The following TMC2 variants were observed in gnomAD, a reference collection of about 807,000 sequenced individuals.
TMC2 encodes transmembrane channel-like protein 2.
Under a neutral mutation model 105.9 loss-of-function variants are expected in TMC2, and 102 were observed. The observed-to-expected ratio is 0.96, with a 90% confidence interval of 0.82 to 1.14. TMC2 has a LOEUF of 1.14. TMC2 is among the 50% of genes most tolerant of loss of function. The pLI, the probability that TMC2 is intolerant of heterozygous loss-of-function variation, is 0.00. For synonymous variants in TMC2, 402 were observed against 422.8 expected, an observed-to-expected ratio of 0.95 and a Z score of 0.60; for missense variants, 1,093 against 1,134.3, an observed-to-expected ratio of 0.96 and a Z score of 0.52.
rs1314551683 is a variant in TMC2, at chr20:2,557,817, C to T, written c.83-639C>T. ...AGGTAAAACTGATGAAAGTGCGCCC[C>T]CACCAAGGCAGTCATTCTCACCCAG... is the stretch of plus-strand genomic sequence containing the variant. On this transcript the variant is annotated intron_variant, in intron 2 of 19. Transcript: ENST00000358864. 2.0e-5 allele frequency among the ~76,000 whole-genome samples: 3 copies of T among 152,194 alleles called. No homozygotes were observed. In the East Asian group the frequency reaches 5.8e-4, roughly 29 times the overall value.
chr20:2,619,295 G>A (rs1054533313), intron 16 of TMC2, among the ~76,000 whole-genome samples: 3 of 152,072 alleles, frequency 2.0e-5, no homozygotes, highest in Admixed American at 1.3e-4. Context: ...GAAAGTATGC[G>A]TGCTCTGGAA....
chr20:2,641,060 C>A, intron 19 of TMC2, 74 bp from the exon 20 acceptor site: 1 of 1,320,434 alleles, frequency 7.6e-7, no homozygotes, highest in Non-Finnish European at 1.1e-6. Context: ...CACCGCAGGG[C>A]GACTCCAGAG....
intron 13 of TMC2, 79 bp downstream of exon 13, chr20:2,612,419 G>T: frequency 6.0e-6 from 8 of 1,341,688 alleles, no homozygotes; most frequent in African/African-American, 2.9e-5. Flanking sequence ...TCCATTTGAG[G>T]AATAACCCTG....
At chr20:2,559,511 CG>C (rs1290743179) in intron 3 of TMC2, among the ~76,000 whole-genome samples, 2 of 152,074 alleles carry the variant, frequency 1.3e-5, no homozygotes, top group Non-Finnish European at 2.9e-5. Context: ...ATGCCTTATT[CG>C]TTGCTCATAT....
intron 11 of TMC2, among the ~76,000 whole-genome samples, chr20:2,603,980 T>C (rs1318016651): frequency 6.6e-6 from 1 of 151,998 alleles, no homozygotes; most frequent in African/African-American, 2.4e-5. Context: ...ACCCCATCAG[T>C]CACTCCACTA....
intron 17 of TMC2, among the ~76,000 whole-genome samples, chr20:2,629,848 T>TA (rs1426359983): frequency 3.9e-5 from 6 of 152,266 alleles, no homozygotes; most frequent in African/African-American, 1.4e-4. Context: ...TTTTGTTAAA[T>TA]AAAGTTTTAT....
chr20:2,608,816 T>A (rs1009033202), intron 11 of TMC2, among the ~76,000 whole-genome samples: 1 of 152,258 alleles, frequency 6.6e-6, no homozygotes, highest in East Asian at 1.9e-4. Flanking sequence ...GCAGCATTTT[T>A]ACCTTTGTAA....
Position 2,624,369 on chromosome 20 carries a change from T to G in TMC2, c.2279T>G (p.Leu760Arg), listed in dbSNP as rs199941206. 2 of 1,614,036 alleles carry G rather than the reference T, an allele frequency of 1.2e-6. No homozygotes were observed. Among genetic ancestry groups the G allele is most frequent in the Non-Finnish European group, 1.7e-6 (2 of 1,179,948 alleles). Reference sequence around the variant, plus strand: ...TTTGCTTTCCTCGCCAATCCAGGCCTGATCATCCCAGCCATCCTGCTGATG... The same window carrying G: ...TTTGCTTTCCTCGCCAATCCAGGCCGGATCATCCCAGCCATCCTGCTGATG... Reference protein sequence around the residue: ...KIFAFLANPGLIIPAILLMFL... With the variant: ...KIFAFLANPGRIIPAILLMFL... The change falls in exon 17 of 20, where the codon CTG (leucine) becomes CGG (arginine). Residue 760 changes from leucine to arginine, a missense_variant. Coordinates refer to ENST00000358864, the MANE Select transcript of TMC2 (RefSeq NM_080751.3).
rs2086491556 is a variant in TMC2 at position 2,617,316 on chromosome 20, A to G, written c.2180+5A>G. 6.2e-7 allele frequency: 1 copy of G among 1,613,996 alleles called. No homozygotes were observed. Among genetic ancestry groups the G allele is most frequent in the African/African-American group, 1.3e-5 (1 of 74,916 alleles). ...CTTTGACTGCGGGCCGTTCAGGTGC[A>G]GAGTCTCAGTTGCCCGGGAGCACCT... is the stretch of plus-strand genomic sequence containing the variant. On this transcript the variant is annotated splice_donor_5th_base_variant and intron_variant, in intron 16 of 19. Coordinates refer to ENST00000358864, the MANE Select transcript of TMC2 (RefSeq NM_080751.3).
Position 2,642,574 on chromosome 20 carries a change from A to G in TMC2, c.*1223A>G, listed in dbSNP as rs563485377. On this transcript the variant is annotated 3_prime_UTR_variant, in exon 20 of 20. Coordinates refer to ENST00000358864, the MANE Select transcript of TMC2 (RefSeq NM_080751.3). ...GCAGAGCGTTGTCTCTGGGGATTCT[A>G]TGTTCACTTAGTGTCATATCATGGT... Among the ~76,000 whole-genome samples the G allele has an allele frequency of 1.3e-5, 2 of 152,206 alleles. No homozygotes were observed. Among genetic ancestry groups the G allele is most frequent in the African/African-American group, 2.4e-5 (1 of 41,450 alleles).
intron 7 of TMC2, among the ~76,000 whole-genome samples, chr20:2,591,507 C>T (rs1230747839): frequency 6.6e-6 from 1 of 152,040 alleles, no homozygotes; most frequent in East Asian, 1.9e-4. Flanking sequence ...GAGTTTGAGA[C>T]CAGCTGGGCA....
chr20:2,605,565 T>G (rs937871669), intron 11 of TMC2, among the ~76,000 whole-genome samples: 1 of 152,184 alleles, frequency 6.6e-6, no homozygotes, highest in African/African-American at 2.4e-5. Flanking sequence ...TGACCTCACT[T>G]AACCTTAATT....
In TMC2 at chr20:2,612,647, CCTT is replaced by C. The variant is rs1325614914; in HGVS notation, c.1743+313_1743+315del. 3.3e-5 allele frequency among the ~76,000 whole-genome samples: 5 copies of C among 152,138 alleles called. No individual in the cohort carries two copies. The South Asian group carries it at 1.0e-3, about 32-fold the overall frequency. On this transcript the variant is annotated intron_variant, in intron 13 of 19. Coordinates refer to ENST00000358864, the MANE Select transcript of TMC2 (RefSeq NM_080751.3). ...AAAGCTTTGTCCTTCAGTTTTTGGTCCTTCTTCTATGTGCCTCTGTGCAAAACC... is the reference window on the plus strand; with the variant it reads ...AAAGCTTTGTCCTTCAGTTTTTGGTCCTTCTATGTGCCTCTGTGCAAAACC...
At chr20:2,594,692 A>G (rs2086292671) in intron 8 of TMC2, 133 bp from the exon 9 acceptor site, 3 of 905,348 alleles carry the variant, frequency 3.3e-6, no homozygotes, top group South Asian at 1.7e-5. Context: ...GAACAAGAAC[A>G]TCTGGAACTC....
chr20:2,582,081 G>A (rs2086195363), intron 7 of TMC2, among the ~76,000 whole-genome samples: 1 of 152,138 alleles, frequency 6.6e-6, no homozygotes, highest in African/African-American at 2.4e-5. Flanking sequence ...AGACCAGGTA[G>A]CAGCCTGTTG....
intron 2 of TMC2, among the ~76,000 whole-genome samples, chr20:2,556,991 C>T (rs1443826650): frequency 2.0e-5 from 3 of 151,776 alleles, no homozygotes; most frequent in African/African-American, 7.3e-5. Flanking sequence ...GTTTTTTCCT[C>T]CAGCTTTTTT....
At chr20:2,574,010 C>G (rs1272984443) in intron 5 of TMC2, among the ~76,000 whole-genome samples, 1 of 152,170 alleles carries the variant, frequency 6.6e-6, no homozygotes, top group African/African-American at 2.4e-5. Flanking sequence ...TCATAGCTCT[C>G]CTTATCTTTG....
chr20:2,560,211 C>A (rs1331931645), intron 3 of TMC2, among the ~76,000 whole-genome samples: 1 of 151,758 alleles, frequency 6.6e-6, no homozygotes, highest in Non-Finnish European at 1.5e-5. Flanking sequence ...TGTGGGAACA[C>A]CCTACGCAGA....
In TMC2 at chr20:2,558,662, G is replaced by C; in HGVS notation, c.289G>C (p.Gly97Arg). 1 of 1,590,132 alleles carries C rather than the reference G, an allele frequency of 6.3e-7. No individual in the cohort carries two copies. ...ERGEAERTCE[G>R]RRKRDERASF... ...GGGCGAGGCAGAGAGGACCTGCGAG[G>C]GCAGGAGAAAGCGCGACGAGAGGGC... The change falls in exon 3 of 20, where the codon GGC becomes CGC. Residue 97 changes from glycine (G) to arginine (R), a missense_variant. By Grantham distance (125) the Gly-to-Arg change is moderately radical (BLOSUM62 -2). Transcript: ENST00000358864. The surrounding 1 kb of genome is among the most constrained non-coding windows in gnomAD (Gnocchi z 4.6).
Sources: allele counts gnomAD v4.1 joint callset (sites outside exome capture counted in the v4.1 genomes callset), GRCh38; gene constraint gnomAD v4.1.1; non-coding constraint Gnocchi (gnomAD v3.1); transcripts MANE v1.5; gene names NCBI Gene and HGNC (gene_info 2026-07-23, HGNC 2026-07-21).